Variants in PKDREJ observed in about 807,000 individuals in gnomAD.
PKDREJ encodes the protein polycystin family receptor for egg jelly.
For missense variants in PKDREJ, 2,507 were observed against 2,807.2 expected, an observed-to-expected ratio of 0.89 and a Z score of 2.42; for synonymous variants, 1,031 against 1,095.5, an observed-to-expected ratio of 0.94 and a Z score of 1.16.
Position 46,257,260 on chromosome 22 carries a change from G to A in PKDREJ, c.6063C>T (p.Phe2021=). The part of the protein sequence containing the change: ...VLIVLFLRKH[F]LATGIIRFYL... ...AAAACCGAATTATGCCAGTGGCCAG[G>A]AAATGTTTCCTGAGAAAGAGCACAA... is the stretch of plus-strand genomic sequence containing the variant. Residue 2021 remains phenylalanine, a synonymous_variant, in exon 1 of 1, where the codon TTC becomes TTT. Coordinates refer to ENST00000253255, the MANE Select transcript of PKDREJ (RefSeq NM_006071.2). The surrounding 1 kb of genome is among the most constrained non-coding windows in gnomAD (Gnocchi z 4.7). 6.2e-7 allele frequency: 1 copy of A among 1,614,076 alleles called. No homozygotes were observed. The highest frequency in any genetic ancestry group is 1.1e-5 in the South Asian group (1 of 91,052).
rs753762348 is a variant in PKDREJ, at chr22:46,258,786, G to A, written c.4537C>T (p.Pro1513Ser). The change falls in exon 1 of 1, where the codon CCT becomes TCT. Residue 1513 changes from proline to serine, a missense_variant. Pro to Ser is a moderately conservative substitution (Grantham distance 74, BLOSUM62 -1). Coordinates refer to ENST00000253255, the MANE Select transcript of PKDREJ (RefSeq NM_006071.2). The surrounding 1 kb of genome is among the most constrained non-coding windows in gnomAD (Gnocchi z 6.1). ...KGKPRLPKAS[P>S]KATSKPKHRH... ...TGCTTGGGTTTGGAGGTTGCCTTAG[G>A]AGAAGCCTTTGGAAGCCTGGGCTTT... 6.8e-6 allele frequency: 11 copies of A among 1,614,108 alleles called. No homozygotes were observed. The highest frequency in any genetic ancestry group is 9.3e-6 in the Non-Finnish European group (11 of 1,179,978).
Position 46,263,093 on chromosome 22 carries a change from A to T in PKDREJ, c.230T>A (p.Leu77His), listed in dbSNP as rs956967008. ...CCCGGTCCCGCCATGGGGGAAGCAG[A>T]GGCTGCCGCGGCCGCTCAGGACAGC... is the stretch of plus-strand genomic sequence containing the variant. ...GGAVLSGRGS[L>H]CFPHGGTGRR... The change falls in exon 1 of 1, where the codon CTC becomes CAC. Residue 77 changes from leucine to histidine, a missense_variant. Coordinates refer to ENST00000253255, the MANE Select transcript of PKDREJ (RefSeq NM_006071.2). This position sits in a 1 kb window ranked among gnomAD's most constrained non-coding sequence, Gnocchi z 9.4. The T allele has an allele frequency of 4.6e-6, 6 of 1,314,074 alleles. No individual in the cohort carries two copies. The highest frequency in any genetic ancestry group is 5.9e-6 in the Non-Finnish European group (6 of 1,022,022). The allele number at this position is 1,314,074 out of a possible 1,614,324, so 81.4% of individuals were successfully genotyped here.
Position 46,256,499 on chromosome 22 carries a change from T to A in PKDREJ, c.*62A>T, listed in dbSNP as rs1936632698. The A allele has an allele frequency of 1.3e-5, 20 of 1,553,086 alleles. No individual in the cohort carries two copies. The highest frequency in any genetic ancestry group is 1.8e-4 in the Middle Eastern group (1 of 5,618). ...AGGCCACTGACACTCCCTAATCCCCTTAATCCCACAGACTCAGCAGTTGGG... is the reference window on the plus strand; with the variant it reads ...AGGCCACTGACACTCCCTAATCCCCATAATCCCACAGACTCAGCAGTTGGG... On this transcript the variant is annotated 3_prime_UTR_variant, in exon 1 of 1. Transcript: ENST00000253255. The surrounding 1 kb of genome is among the most constrained non-coding windows in gnomAD (Gnocchi z 5.3).
Position 46,261,617 on chromosome 22 carries a change from T to C in PKDREJ, c.1706A>G (p.Asn569Ser). 1 of 1,614,040 alleles carries C rather than the reference T, an allele frequency of 6.2e-7. No individual in the cohort carries two copies. Among genetic ancestry groups the C allele is most frequent in the Non-Finnish European group, 8.5e-7 (1 of 1,179,910 alleles). Residue 569 changes from asparagine (N) to serine (S), a missense_variant, in exon 1 of 1, where the codon AAT (asparagine) becomes AGT (serine). Physicochemically the swap from Asn to Ser is conservative, Grantham distance 46. Coordinates refer to ENST00000253255, the MANE Select transcript of PKDREJ (RefSeq NM_006071.2). This position sits in a 1 kb window ranked among gnomAD's most constrained non-coding sequence, Gnocchi z 7.1. ...HGPQIGECKINPAKGIALITK... is the reference protein window; with the variant it reads ...HGPQIGECKISPAKGIALITK... The stretch of plus-strand genomic sequence containing the variant: ...AATAAGTGCAATTCCTTTAGCTGGA[T>C]TAATTTTGCATTCTCCGATCTGAGG...
chr22:46,256,919 G>A lies in PKDREJ; in HGVS notation c.6404C>T (p.Ala2135Val). Residue 2135 changes from alanine to valine, a missense_variant, in exon 1 of 1, where the codon GCT (alanine) becomes GTT (valine). Ala to Val is a moderately conservative substitution (Grantham distance 64, BLOSUM62 0). Coordinates refer to ENST00000253255, the MANE Select transcript of PKDREJ (RefSeq NM_006071.2). This position sits in a 1 kb window ranked among gnomAD's most constrained non-coding sequence, Gnocchi z 5.3. ...TQTVFSYCVS[A>V]FQNTEFSNNR... is the part of the protein sequence containing the mutation. ...ATTGGAAAATTCAGTGTTCTGGAAAGCTGAGACACAATAGGAAAATACTGT... is the reference window on the plus strand; with the variant it reads ...ATTGGAAAATTCAGTGTTCTGGAAAACTGAGACACAATAGGAAAATACTGT... 2 of 1,613,928 alleles carry A rather than the reference G, an allele frequency of 1.2e-6. No individual in the cohort carries two copies. Among genetic ancestry groups the A allele is most frequent in the Non-Finnish European group, 1.7e-6 (2 of 1,179,924 alleles).
In PKDREJ at chr22:46,262,872, C is replaced by T; in HGVS notation, c.451G>A (p.Gly151Ser). 9.1e-7 allele frequency: 1 copy of T among 1,098,876 alleles called. No homozygotes were observed. Among genetic ancestry groups the T allele is most frequent in the Non-Finnish European group, 1.1e-6 (1 of 901,222 alleles). The allele number at this position is 1,098,876 out of a possible 1,614,324, so 68.1% of individuals were successfully genotyped here. Residue 151 changes from glycine to serine, a missense_variant, in exon 1 of 1, where the codon GGC becomes AGC. Coordinates refer to ENST00000253255, the MANE Select transcript of PKDREJ (RefSeq NM_006071.2). This position sits in a 1 kb window ranked among gnomAD's most constrained non-coding sequence, Gnocchi z 8.1. Reference protein sequence around the residue: ...WAFRLRLLGPGAARPASPAAR... With the variant: ...WAFRLRLLGPSAARPASPAAR... ...GCGGGGGAGGCCGGGCGGGCGGCGC[C>T]GGGTCCGAGCAGCCGCAGGCGGAAG... is the stretch of plus-strand genomic sequence containing the variant.
rs1337157537 is a variant in PKDREJ at position 46,259,600 on chromosome 22, A to G, written c.3723T>C (p.Arg1241=). 7 of 1,614,194 alleles carry G rather than the reference A, an allele frequency of 4.3e-6. No individual in the cohort carries two copies. The South Asian group carries it at 4.4e-5, about 10-fold the overall frequency. The change falls in exon 1 of 1, where the codon CGT becomes CGC. Residue 1241 remains arginine (R), a synonymous_variant. Coordinates refer to ENST00000253255, the MANE Select transcript of PKDREJ (RefSeq NM_006071.2). The surrounding 1 kb of genome is among the most constrained non-coding windows in gnomAD (Gnocchi z 6.8). The part of the protein sequence containing the change: ...CYLVTIFTGS[R]WGSGTRANVF... ...CATTGGCCCTGGTCCCAGACCCCCA[A>G]CGACTTCCTGTAAAAATAGTCACCA...
Position 46,256,523 on chromosome 22 carries a change from G to C in PKDREJ, c.*38C>G, listed in dbSNP as rs185424215. Reference sequence around the variant, plus strand: ...CTTAATCCCACAGACTCAGCAGTTGGGGGAACGCTTGCTTGTGACTCATGA... The same window carrying C: ...CTTAATCCCACAGACTCAGCAGTTGCGGGAACGCTTGCTTGTGACTCATGA... On this transcript the variant is annotated 3_prime_UTR_variant, in exon 1 of 1. Coordinates refer to ENST00000253255, the MANE Select transcript of PKDREJ (RefSeq NM_006071.2). The surrounding 1 kb of genome is among the most constrained non-coding windows in gnomAD (Gnocchi z 5.3). 1.2e-4 allele frequency: 182 copies of C among 1,577,036 alleles called. 2 individuals are homozygous for C. The Admixed American group carries it at 3.1e-3, about 27-fold the overall frequency.
chr22:46,256,260 C>A lies in PKDREJ; in HGVS notation c.*301G>T. The A allele has an allele frequency of 5.9e-6, 2 of 341,424 alleles. No homozygotes were observed. The highest frequency in any genetic ancestry group is 1.1e-5 in the Non-Finnish European group (2 of 186,732). 21.1% of individuals were successfully genotyped at this position (341,424 alleles called of 1,614,324 possible). Reference sequence around the variant, plus strand: ...GGCTCTGCCTTCTCTAAACTGCAGGCACCAAAGAAACAGGGTTGCCCTTGT... The same window carrying A: ...GGCTCTGCCTTCTCTAAACTGCAGGAACCAAAGAAACAGGGTTGCCCTTGT... On this transcript the variant is annotated 3_prime_UTR_variant, in exon 1 of 1. Coordinates refer to ENST00000253255, the MANE Select transcript of PKDREJ (RefSeq NM_006071.2). The surrounding 1 kb of genome is among the most constrained non-coding windows in gnomAD (Gnocchi z 5.3).
rs1472823652 is a variant in PKDREJ at position 46,260,897 on chromosome 22, C to A, written c.2426G>T (p.Gly809Val). The A allele has an allele frequency of 6.2e-7, 1 of 1,613,672 alleles. No homozygotes were observed. Residue 809 changes from glycine (G) to valine (V), a missense_variant, in exon 1 of 1, where the codon GGA (glycine) becomes GTA (valine). Transcript: ENST00000253255. The surrounding 1 kb of genome is among the most constrained non-coding windows in gnomAD (Gnocchi z 4.5). ...RSEQIEIVST[G>V]ILMSLSNILK... Reference sequence around the variant, plus strand: ...AATATTAGACAAACTCATTAGTATTCCAGTACTCACGATTTCTATTTGTTC... The same window carrying A: ...AATATTAGACAAACTCATTAGTATTACAGTACTCACGATTTCTATTTGTTC...
In PKDREJ at chr22:46,256,890, T is replaced by C. The variant is rs1228232502; in HGVS notation, c.6433A>G (p.Arg2145Gly). 1 of 1,614,072 alleles carries C rather than the reference T, an allele frequency of 6.2e-7. No homozygotes were observed. Among genetic ancestry groups the C allele is most frequent in the Non-Finnish European group, 8.5e-7 (1 of 1,180,034 alleles). Residue 2145 changes from arginine to glycine, a missense_variant, in exon 1 of 1, where the codon AGG becomes GGG. By Grantham distance (125) the Arg-to-Gly change is moderately radical. Coordinates refer to ENST00000253255, the MANE Select transcript of PKDREJ (RefSeq NM_006071.2). The surrounding 1 kb of genome is among the most constrained non-coding windows in gnomAD (Gnocchi z 5.3). ...GAGAGGAACAGGACCCCCAGAATCCTGTTATTGGAAAATTCAGTGTTCTGG... is the reference window on the plus strand; with the variant it reads ...GAGAGGAACAGGACCCCCAGAATCCCGTTATTGGAAAATTCAGTGTTCTGG... ...AFQNTEFSNN[R>G]ILGVLFLSSF... is the part of the protein sequence containing the mutation.
Position 46,259,989 on chromosome 22 carries a change from T to C in PKDREJ, c.3334A>G (p.Ser1112Gly). Residue 1112 changes from serine (S) to glycine (G), a missense_variant, in exon 1 of 1, where the codon AGT becomes GGT. Ser to Gly is a moderately conservative substitution (Grantham distance 56). Coordinates refer to ENST00000253255, the MANE Select transcript of PKDREJ (RefSeq NM_006071.2). This position sits in a 1 kb window ranked among gnomAD's most constrained non-coding sequence, Gnocchi z 6.8. ...VQCLDMYGIQ[S>G]EWREGYCILG... ...ATGCAATAACCCTCTCTCCATTCAC[T>C]CTGGATCCCATACATGTCCAAGCAC... 1 of 1,614,124 alleles carries C rather than the reference T, an allele frequency of 6.2e-7. No individual in the cohort carries two copies. Among genetic ancestry groups the C allele is most frequent in the South Asian group, 1.1e-5 (1 of 91,076 alleles).
Position 46,257,484 on chromosome 22 carries a change from T to C in PKDREJ, c.5839A>G (p.Ile1947Val), listed in dbSNP as rs761123305. ...VSQLGVVNTS[I>V]SLHSFSLADF... is the part of the protein sequence containing the mutation. ...GCAAGTGAAAAAGAGTGCAGAGATA[T>C]GCTTGTGTTGACAACTCCTAACTGA... Residue 1947 changes from isoleucine (I) to valine (V), a missense_variant, in exon 1 of 1, where the codon ATA becomes GTA. By Grantham distance (29) the Ile-to-Val change is conservative. Transcript: ENST00000253255. This position sits in a 1 kb window ranked among gnomAD's most constrained non-coding sequence, Gnocchi z 4.7. 8 of 1,614,012 alleles carry C rather than the reference T, an allele frequency of 5.0e-6. No individual in the cohort carries two copies. In the Admixed American group the frequency reaches 5.0e-5, roughly 10 times the overall value.
rs754888721 is a variant in PKDREJ, at chr22:46,261,341, A to G, written c.1982T>C (p.Val661Ala). 2 of 1,613,842 alleles carry G rather than the reference A, an allele frequency of 1.2e-6. No individual in the cohort carries two copies. Among genetic ancestry groups the G allele is most frequent in the East Asian group, 4.5e-5 (2 of 44,884 alleles). ...VYDSLGAFSQ[V>A]TLHATAQAPT... ...AGCCTGTGCGGTGGCATGCAAAGTC[A>G]CCTGAGAAAAAGCTCCTAGAGAATC... Residue 661 changes from valine to alanine, a missense_variant, in exon 1 of 1, where the codon GTG becomes GCG. Coordinates refer to ENST00000253255, the MANE Select transcript of PKDREJ (RefSeq NM_006071.2). The surrounding 1 kb of genome is among the most constrained non-coding windows in gnomAD (Gnocchi z 7.1).
rs760526917 is a variant in PKDREJ, at chr22:46,262,647, G to T, written c.676C>A (p.Gln226Lys). Reference protein sequence around the residue: ...VIQRVRINTDQKGAPVRLSMQ... With the variant: ...VIQRVRINTDKKGAPVRLSMQ... Reference sequence around the variant, plus strand: ...CTCAGGCGCACGGGGGCGCCCTTCTGGTCCGTGTTGATCCTCACGCGCTGG... The same window carrying T: ...CTCAGGCGCACGGGGGCGCCCTTCTTGTCCGTGTTGATCCTCACGCGCTGG... The change falls in exon 1 of 1, where the codon CAG becomes AAG. Residue 226 changes from glutamine (Q) to lysine (K), a missense_variant. Coordinates refer to ENST00000253255, the MANE Select transcript of PKDREJ (RefSeq NM_006071.2). The surrounding 1 kb of genome is among the most constrained non-coding windows in gnomAD (Gnocchi z 8.1). 6.2e-7 allele frequency: 1 copy of T among 1,613,184 alleles called. No individual in the cohort carries two copies. Among genetic ancestry groups the T allele is most frequent in the African/African-American group, 1.3e-5 (1 of 75,040 alleles).
In PKDREJ at chr22:46,262,606, G is replaced by A; in HGVS notation, c.717C>T (p.Ala239=). ...CCAGCTGCACCGAGGCGTTGATGGT[G>A]GCCTCCGCCTGCATGCTCAGGCGCA... The part of the protein sequence containing the change: ...APVRLSMQAE[A]TINASVQLDC... The change falls in exon 1 of 1, where the codon GCC becomes GCT. Residue 239 remains alanine (A), a synonymous_variant. Coordinates refer to ENST00000253255, the MANE Select transcript of PKDREJ (RefSeq NM_006071.2). The surrounding 1 kb of genome is among the most constrained non-coding windows in gnomAD (Gnocchi z 8.1). The A allele has an allele frequency of 6.2e-7, 1 of 1,612,732 alleles. No homozygotes were observed. The highest frequency in any genetic ancestry group is 8.5e-7 in the Non-Finnish European group (1 of 1,179,620).
In PKDREJ at chr22:46,258,821, G is replaced by T. The variant is rs1465785800; in HGVS notation, c.4502C>A (p.Ala1501Glu). ...TGGAAGCCTGGGCTTTCCTTTAGAT[G>T]CAGGTTTTGCAACCTCCCTGGGGTG... The part of the protein sequence containing the change: ...KVHPREVAKP[A>E]SKGKPRLPKA... Residue 1501 changes from alanine to glutamate, a missense_variant, in exon 1 of 1, where the codon GCA becomes GAA. Transcript: ENST00000253255. The surrounding 1 kb of genome is among the most constrained non-coding windows in gnomAD (Gnocchi z 6.1). The T allele has an allele frequency of 6.2e-7, 1 of 1,614,010 alleles. No individual in the cohort carries two copies. Among genetic ancestry groups the T allele is most frequent in the African/African-American group, 1.3e-5 (1 of 74,882 alleles).
rs750402871 is a variant in PKDREJ at position 46,259,642 on chromosome 22, A to G, written c.3681T>C (p.Tyr1227=). Residue 1227 remains tyrosine, a synonymous_variant, in exon 1 of 1, where the codon TAT becomes TAC. Coordinates refer to ENST00000253255, the MANE Select transcript of PKDREJ (RefSeq NM_006071.2). This position sits in a 1 kb window ranked among gnomAD's most constrained non-coding sequence, Gnocchi z 6.8. ...HVIVLPDNDP[Y]DNLCYLVTIF... ...TAGTCACCAAGTAGCATAAATTATCATAAGGATCATTATCTGGTAGAACTA... is the reference window on the plus strand; with the variant it reads ...TAGTCACCAAGTAGCATAAATTATCGTAAGGATCATTATCTGGTAGAACTA... 47 of 1,614,214 alleles carry G rather than the reference A, an allele frequency of 2.9e-5. No individual in the cohort carries two copies. The highest frequency in any genetic ancestry group is 3.9e-5 in the Non-Finnish European group (46 of 1,180,030).
In PKDREJ at chr22:46,258,317, T is replaced by C. The variant is rs1180414819; in HGVS notation, c.5006A>G (p.Glu1669Gly). The change falls in exon 1 of 1, where the codon GAA becomes GGA. Residue 1669 changes from glutamate (E) to glycine (G), a missense_variant. Coordinates refer to ENST00000253255, the MANE Select transcript of PKDREJ (RefSeq NM_006071.2). The surrounding 1 kb of genome is among the most constrained non-coding windows in gnomAD (Gnocchi z 6.1). ...GATCTGGTCATGTATCCTCTGCATT[T>C]CTTCTGGATGCATACGCATTCCATC... ...RLDGMRMHPE[E>G]MQRIHDQIVR... The C allele has an allele frequency of 1.9e-6, 3 of 1,614,220 alleles. No individual in the cohort carries two copies. Among genetic ancestry groups the C allele is most frequent in the African/African-American group, 1.3e-5 (1 of 75,070 alleles).
Sources: gnomAD v4.1 joint callset for allele counts on GRCh38, gnomAD v4.1.1 for gene constraint, Gnocchi (gnomAD v3.1) non-coding constraint, MANE v1.5 for transcripts, NCBI Gene and HGNC (gene_info 2026-07-23, HGNC 2026-07-21) for gene names.